Variants in DHRS7B observed in about 807,000 individuals in gnomAD.
DHRS7B encodes dehydrogenase/reductase 7B, also known as peroxisomal reductase activating PPAR-gamma.
DHRS7B carries 24 observed loss-of-function variants against 26.4 expected under a neutral mutation model. The ratio of observed to expected loss-of-function variants is 0.91; its 90% CI spans 0.66 to 1.28. The LOEUF is 1.28. DHRS7B is among the 50% of genes most tolerant of loss of function. DHRS7B has a pLI of 0.00. For missense variants in DHRS7B, 368 were observed against 419.4 expected, an observed-to-expected ratio of 0.88 and a Z score of 1.07; for synonymous variants, 142 against 166.4, an observed-to-expected ratio of 0.85 and a Z score of 1.13.
chr17:21,177,239 G>A (rs1007189590), intron 2 of DHRS7B, among the ~76,000 whole-genome samples: 2 of 152,158 alleles, frequency 1.3e-5, no homozygotes, highest in African/African-American at 4.8e-5. Context: ...GCGTGTGAGA[G>A]CACCCAGGCA....
At chr17:21,135,853 T>G (rs1296798052) in intron 1 of DHRS7B, among the ~76,000 whole-genome samples, 2 of 152,202 alleles carry the variant, frequency 1.3e-5, no homozygotes, top group Non-Finnish European at 2.9e-5. Context: ...CGTTACAATC[T>G]TACGTGCCCA....
At chr17:21,164,028 TGC>T (rs1974054835) in intron 1 of DHRS7B, among the ~76,000 whole-genome samples, 2 of 108,452 alleles carry the variant, frequency 1.8e-5, no homozygotes, top group South Asian at 3.8e-4. Flanking sequence ...TCAATTGTTG[TGC>T]TTTTTTTTTT....
intron 2 of DHRS7B, among the ~76,000 whole-genome samples, chr17:21,173,926 C>T (rs1329764513): frequency 2.6e-5 from 4 of 152,202 alleles, no homozygotes; most frequent in Admixed American, 6.5e-5. Context: ...CTTCATTCTG[C>T]ATCTCCTCTC....
intron 3 of DHRS7B, among the ~76,000 whole-genome samples, chr17:21,179,829 C>T (rs1262157516): frequency 2.0e-5 from 3 of 149,142 alleles, no homozygotes; most frequent in African/African-American, 7.5e-5. Flanking sequence ...TGCAACGGTG[C>T]GATCTCAGCT....
chr17:21,190,984 T>G lies in DHRS7B; in HGVS notation c.809T>G (p.Val270Gly). Reference protein sequence around the residue: ...DTTTAQGRSPVEVAQDVLAAV... With the variant: ...DTTTAQGRSPGEVAQDVLAAV... ...ACCACAGCCCAGGGCCGAAGCCCTG[T>G]GGAGGTGGCCCAGGATGTTCTTGCT... is the stretch of plus-strand genomic sequence containing the variant. The change falls in exon 7 of 7, where the codon GTG becomes GGG. Residue 270 changes from valine to glycine, a missense_variant. By Grantham distance (109) the Val-to-Gly change is moderately radical (BLOSUM62 -3). Transcript: ENST00000395511. 1 of 1,614,254 alleles carries G rather than the reference T, an allele frequency of 6.2e-7. No individual in the cohort carries two copies. Among genetic ancestry groups the G allele is most frequent in the Non-Finnish European group, 8.5e-7 (1 of 1,180,050 alleles).
chr17:21,165,906 A>G (rs2144081782), intron 1 of DHRS7B, among the ~76,000 whole-genome samples: 1 of 115,696 alleles, frequency 8.6e-6, no homozygotes, highest in Admixed American at 1.1e-4. Flanking sequence ...ACAGAGCAAG[A>G]CTCCGTCTCC....
chr17:21,137,479 T>G (rs1208588303), intron 1 of DHRS7B, among the ~76,000 whole-genome samples: 1 of 143,538 alleles, frequency 7.0e-6, no homozygotes, highest in African/African-American at 2.6e-5. Context: ...TTTTTTGAGA[T>G]GAAGTTTTGC....
At chr17:21,136,913 A>C (rs1973355985) in intron 1 of DHRS7B, among the ~76,000 whole-genome samples, 1 of 152,068 alleles carries the variant, frequency 6.6e-6, no homozygotes. Flanking sequence ...ACTTAATAAT[A>C]ATATGGCAAC....
intron 1 of DHRS7B, among the ~76,000 whole-genome samples, chr17:21,150,126 A>AC (rs1350783467): frequency 7.0e-6 from 1 of 143,750 alleles, no homozygotes; most frequent in Non-Finnish European, 1.6e-5. Context: ...AAAAAAAAAA[A>AC]AAAAAACTAA....
At chr17:21,178,440 G>A (rs1369353080) in intron 3 of DHRS7B, 98 bp downstream of exon 3, 8 of 976,234 alleles carry the variant, frequency 8.2e-6, no homozygotes, top group African/African-American at 1.6e-5. Flanking sequence ...TGAGCTGTAG[G>A]ACATCCATGC....
At chr17:21,157,997 A>T (rs371315660) in intron 1 of DHRS7B, among the ~76,000 whole-genome samples, 1 of 152,334 alleles carries the variant, frequency 6.6e-6, no homozygotes, top group East Asian at 1.9e-4. Flanking sequence ...GAGGAAAAAA[A>T]GTCACATGAT....
intron 3 of DHRS7B, among the ~76,000 whole-genome samples, chr17:21,182,529 A>G (rs922591055): frequency 6.6e-6 from 1 of 152,082 alleles, no homozygotes; most frequent in African/African-American, 2.4e-5. Flanking sequence ...GATTATAGGC[A>G]TGAGCCACTG....
chr17:21,155,987 T>C (rs1355748354), intron 1 of DHRS7B, among the ~76,000 whole-genome samples: 1 of 152,188 alleles, frequency 6.6e-6, no homozygotes, highest in Non-Finnish European at 1.5e-5. Context: ...ATTTATAGCA[T>C]TGAATGTATG....
At chr17:21,172,646 T>C (rs562858483) in intron 2 of DHRS7B, among the ~76,000 whole-genome samples, 2 of 152,364 alleles carry the variant, frequency 1.3e-5, no homozygotes, top group East Asian at 3.9e-4. Context: ...TTCACAGCTT[T>C]GGTGCATGCT....
chr17:21,146,086 C>G (rs557545179), intron 1 of DHRS7B, among the ~76,000 whole-genome samples: 1 of 152,206 alleles, frequency 6.6e-6, no homozygotes, highest in African/African-American at 2.4e-5. Flanking sequence ...TATCATTTAA[C>G]TAGACCAAAT....
intron 5 of DHRS7B, 86 bp from the exon 6 acceptor site, chr17:21,188,625 G>T: frequency 7.2e-7 from 1 of 1,394,640 alleles, no homozygotes; most frequent in South Asian, 1.4e-5. Flanking sequence ...TCAAAACAGA[G>T]AGCGTGAATG....
At chr17:21,137,752 C>T (rs560816618) in intron 1 of DHRS7B, among the ~76,000 whole-genome samples, 62 of 152,020 alleles carry the variant, frequency 4.1e-4, no homozygotes, top group African/African-American at 3.1e-4. Flanking sequence ...CCACCGCACC[C>T]GGCCTCTGGC....
intron 1 of DHRS7B, among the ~76,000 whole-genome samples, chr17:21,141,640 A>AAG: frequency 3.3e-5 from 3 of 90,082 alleles, no homozygotes; most frequent in Non-Finnish European, 4.1e-5. Flanking sequence ...AAAAAAAAAA[A>AAG]CAACCTCATC....
intron 1 of DHRS7B, among the ~76,000 whole-genome samples, chr17:21,150,126 A>AG (rs1350783467): frequency 2.1e-5 from 3 of 143,750 alleles, no homozygotes; most frequent in African/African-American, 7.5e-5. Context: ...AAAAAAAAAA[A>AG]AAAAAACTAA....
Sources: allele counts gnomAD v4.1 joint callset (sites outside exome capture counted in the v4.1 genomes callset), GRCh38; gene constraint gnomAD v4.1.1; transcripts MANE v1.5; gene names NCBI Gene and HGNC (gene_info 2026-07-23, HGNC 2026-07-21).